PPP2R2C: variants seen among roughly 807,000 people sequenced by gnomAD.
PPP2R2C encodes the protein protein phosphatase 2, regulatory subunit B, gamma.
PPP2R2C carries 10 observed loss-of-function variants against 45.3 expected under a neutral mutation model. The observed-to-expected ratio is 0.22, with a 90% CI of 0.14 to 0.37. The LOEUF (loss-of-function observed/expected upper bound fraction) is 0.37. Ranked by LOEUF, PPP2R2C falls within the 10% of genes least tolerant of loss-of-function variation. The pLI is 1.00. For synonymous variants in PPP2R2C, 257 were observed against 245.4 expected (o/e 1.05, Z -0.44); for missense variants, 308 against 619.7 (o/e 0.50, Z 5.34).
intron 5 of PPP2R2C, chr4:6,350,265 G>T: frequency 3.0e-6 from 3 of 985,476 alleles, no homozygotes; most frequent in Non-Finnish European, 3.6e-6. Flanking sequence ...CAGGCCGAAT[G>T]CCTCCCATGG....
At chr4:6,359,061 C>T (rs181467364) in intron 5 of PPP2R2C, among the ~76,000 whole-genome samples, 1,994 of 152,272 alleles carry the variant, frequency 0.013, 35 homozygotes, top group African/African-American at 0.045. Flanking sequence ...TTTATTGCGG[C>T]GCTATTCACA....
chr4:6,561,807 T>A (rs937181769), intron 1 of PPP2R2C, among the ~76,000 whole-genome samples: 5 of 152,194 alleles, frequency 3.3e-5, no homozygotes, highest in African/African-American at 1.2e-4. Flanking sequence ...GCAAGCAGGC[T>A]CTAGGGAGTC....
At chr4:6,356,434 T>C (rs185949352) in intron 5 of PPP2R2C, among the ~76,000 whole-genome samples, 77 of 152,288 alleles carry the variant, frequency 5.1e-4, no homozygotes, top group African/African-American at 1.7e-3. Context: ...TGGGACTCAG[T>C]TGGGCTCCAG....
chr4:6,452,876 C>A lies in PPP2R2C; in HGVS notation c.70+19284G>T, dbSNP rs147155107. ...ACCAGCTCTGTCCCACAGAGAATCT[C>A]GGCTCCGTGATCAGCAGGCTTACCT... is the stretch of plus-strand genomic sequence containing the variant. On this transcript the variant is annotated intron_variant, in intron 1 of 8. Coordinates refer to ENST00000382599, the MANE Select transcript of PPP2R2C (RefSeq NM_020416.4). 1.8e-4 allele frequency among the ~76,000 whole-genome samples: 27 copies of A among 152,338 alleles called. No homozygotes were observed. The South Asian group carries it at 3.9e-3, about 22-fold the overall frequency.
At chr4:6,434,695 G>A (rs1416042122) in intron 1 of PPP2R2C, among the ~76,000 whole-genome samples, 1 of 152,122 alleles carries the variant, frequency 6.6e-6, no homozygotes, top group East Asian at 1.9e-4. Context: ...AGGATTAGAA[G>A]TGAAATCCAT....
chr4:6,536,446 G>T (rs1275713699), intron 1 of PPP2R2C, among the ~76,000 whole-genome samples: 1 of 152,180 alleles, frequency 6.6e-6, no homozygotes, highest in Admixed American at 6.5e-5. Context: ...GAAAGAAAAA[G>T]AAATAATTAT....
chr4:6,557,625 A>T (rs1233126944), intron 1 of PPP2R2C, among the ~76,000 whole-genome samples: 1 of 152,146 alleles, frequency 6.6e-6, no homozygotes, highest in African/African-American at 2.4e-5. Flanking sequence ...CAAGGTCGGG[A>T]AAAAGGCTGC....
chr4:6,474,499 C>A (rs1178241166), upstream of PPP2R2C, among the ~76,000 whole-genome samples: 1 of 152,078 alleles, frequency 6.6e-6, no homozygotes. Context: ...TGGAGAAGTC[C>A]CCTCTCCCTA....
chr4:6,534,055 CAT>C (rs1217312055), intron 2 of PPP2R2C, among the ~76,000 whole-genome samples: 1 of 151,288 alleles, frequency 6.6e-6, no homozygotes, highest in Admixed American at 6.6e-5. Flanking sequence ...CACCAACACA[CAT>C]ATCAACACAC....
chr4:6,474,102 ACTTTCTACCCCG>A, upstream of PPP2R2C, among the ~76,000 whole-genome samples: 3 of 129,138 alleles, frequency 2.3e-5, no homozygotes, highest in South Asian at 3.2e-4. Flanking sequence ...GTTCTTTGTC[ACTTTCTACCCCG>A]TAGGAAAGTG....
intron 1 of PPP2R2C, among the ~76,000 whole-genome samples, chr4:6,453,600 G>A (rs538905079): frequency 1.4e-4 from 22 of 152,102 alleles, no homozygotes; most frequent in African/African-American, 5.3e-4. Context: ...GGCACGTGGT[G>A]TGCACCGGGT....
intron 2 of PPP2R2C, among the ~76,000 whole-genome samples, chr4:6,531,854 C>T (rs1028328582): frequency 2.0e-5 from 3 of 152,178 alleles, no homozygotes; most frequent in Admixed American, 2.0e-4. Context: ...GCTGAGGCAG[C>T]AGAGCCGGTG....
At chr4:6,340,839 T>C (rs2109202751) in intron 6 of PPP2R2C, among the ~76,000 whole-genome samples, 1 of 152,342 alleles carries the variant, frequency 6.6e-6, no homozygotes, top group South Asian at 2.1e-4. Context: ...TGAGGCCTCC[T>C]CCAGCCACAC....
chr4:6,455,140 C>T (rs1056715876), intron 1 of PPP2R2C, among the ~76,000 whole-genome samples: 27 of 152,318 alleles, frequency 1.8e-4, no homozygotes, highest in Admixed American at 3.3e-4. Flanking sequence ...GACTCCAGAG[C>T]TGCGTTGCAT....
At chr4:6,448,861 G>T (rs1019663434) in intron 1 of PPP2R2C, among the ~76,000 whole-genome samples, 2 of 152,206 alleles carry the variant, frequency 1.3e-5, no homozygotes, top group African/African-American at 4.8e-5. Context: ...GGCTCACGGA[G>T]GTCCTGCTGA....
chr4:6,417,645 G>GGA (rs1718683169), intron 1 of PPP2R2C, among the ~76,000 whole-genome samples: 1 of 152,228 alleles, frequency 6.6e-6, no homozygotes, highest in Non-Finnish European at 1.5e-5. Flanking sequence ...AGGCTTTCGG[G>GGA]GGCCCCCGGG....
intron 5 of PPP2R2C, 121 bp from the exon 6 acceptor site, chr4:6,348,131 C>G (rs1404072876): frequency 1.7e-6 from 2 of 1,182,488 alleles, no homozygotes; most frequent in Non-Finnish European, 2.4e-6. Context: ...AGCTGCCTCT[C>G]TGTTCCTGAG....
At chr4:6,429,441 T>C (rs1719502331) in intron 1 of PPP2R2C, among the ~76,000 whole-genome samples, 1 of 152,214 alleles carries the variant, frequency 6.6e-6, no homozygotes, top group Non-Finnish European at 1.5e-5. Flanking sequence ...TTTTTAAGAC[T>C]TTGAAAAATA....
intron 1 of PPP2R2C, among the ~76,000 whole-genome samples, chr4:6,549,933 A>T (rs1465157843): frequency 1.3e-5 from 2 of 152,058 alleles, no homozygotes; most frequent in Non-Finnish European, 2.9e-5. Context: ...GCTTGCAGAG[A>T]AGTATTTCTT....
Sources: gnomAD v4.1 joint callset for allele counts (sites outside exome capture counted in the v4.1 genomes callset) on GRCh38, gnomAD v4.1.1 for gene constraint, MANE v1.5 for transcripts, NCBI Gene and HGNC (gene_info 2026-07-23, HGNC 2026-07-21) for gene names.